The following XRN2 variants were observed in gnomAD, a reference collection of about 807,000 sequenced individuals.
XRN2 encodes 5'-3' exoribonuclease 2.
In XRN2, 44 loss-of-function variants were observed where a neutral mutation model predicts 138.5. The ratio of observed to expected loss-of-function variants is 0.32; its 90% CI spans 0.25 to 0.41. The LOEUF is 0.41. Ranked by LOEUF, XRN2 falls within the 10% of genes least tolerant of loss-of-function variation. The pLI, the probability that XRN2 is intolerant of heterozygous loss-of-function variation, is 1.00. For missense variants in XRN2, 937 were observed against 1,169.3 expected, an observed-to-expected ratio of 0.80 and a Z score of 2.90; for synonymous variants, 354 against 369.4, an observed-to-expected ratio of 0.96 and a Z score of 0.48.
rs1268658338 is a variant in XRN2 at position 21,330,493 on chromosome 20, C to T, written c.440C>T (p.Pro147Leu). 1.2e-6 allele frequency: 2 copies of T among 1,613,426 alleles called. No individual in the cohort carries two copies. Among genetic ancestry groups the T allele is most frequent in the Non-Finnish European group, 1.7e-6 (2 of 1,179,902 alleles). ...EEILAKGGFL[P>L]PEEIKERFDS... ...CTCTTTTCTCTAGGTGGCTTTCTTC[C>T]TCCAGAAGAAATAAAAGAAAGATTT... Residue 147 changes from proline (P) to leucine (L), a missense_variant, in exon 5 of 30, where the codon CCT (proline) becomes CTT (leucine). By Grantham distance (98) the Pro-to-Leu change is moderately conservative. Around this residue, in one of 6 missense-constraint regions of XRN2, gnomAD observed 471 missense variants for 581.2 expected, o/e 0.81. Coordinates refer to ENST00000377191, the MANE Select transcript of XRN2 (RefSeq NM_012255.5).
rs375836250 is a variant in XRN2 at position 21,312,602 on chromosome 20, A to AT, written c.75+9153dup. Among the ~76,000 whole-genome samples the AT allele has an allele frequency of 7.3e-3, 997 of 137,176 alleles. 18 individuals carry two copies. Among genetic ancestry groups the AT allele is most frequent in the African/African-American group, 0.024 (854 of 35,574 alleles). 90.0% of individuals were successfully genotyped at this position (137,176 alleles called of 152,430 possible). The stretch of plus-strand genomic sequence containing the variant: ...CTTCTTGTTAAAACCAAACCCCAAG[A>AT]TTTTTTTTTTTTTTTTTTTTTTTTG... On this transcript the variant is annotated intron_variant, in intron 1 of 29. Coordinates refer to ENST00000377191, the MANE Select transcript of XRN2 (RefSeq NM_012255.5).
chr20:21,327,105 AAC>A (rs2038139004), intron 3 of XRN2, among the ~76,000 whole-genome samples: 1 of 152,254 alleles, frequency 6.6e-6, no homozygotes, highest in Non-Finnish European at 1.5e-5. Context: ...GTGGCAGGTA[AAC>A]ACACTTTCCG....
Position 21,365,673 on chromosome 20 carries a change from C to T in XRN2, c.2425C>T (p.His809Tyr). The T allele has an allele frequency of 1.2e-6, 2 of 1,612,366 alleles. No individual in the cohort carries two copies. Among genetic ancestry groups the T allele is most frequent in the Non-Finnish European group, 1.7e-6 (2 of 1,179,614 alleles). ...LGFNRDRRPV[H>Y]LDQAAFRTLG... The stretch of plus-strand genomic sequence containing the variant: ...CTTTAACCGTGACCGGAGGCCTGTG[C>T]ACCTGGATCAGGCAGCCTTCAGGAC... Residue 809 changes from histidine (H) to tyrosine (Y), a missense_variant, in exon 26 of 30, where the codon CAC (histidine) becomes TAC (tyrosine). His to Tyr is a moderately conservative substitution (Grantham distance 83). Transcript: ENST00000377191.
intron 24 of XRN2, among the ~76,000 whole-genome samples, chr20:21,360,857 C>A (rs767687804): frequency 6.6e-6 from 1 of 152,088 alleles, no homozygotes; most frequent in Non-Finnish European, 1.5e-5. Context: ...AATTGGTTAA[C>A]CTCTTCTGAT....
chr20:21,318,942 A>C (rs140276625), intron 1 of XRN2, among the ~76,000 whole-genome samples: 1 of 151,990 alleles, frequency 6.6e-6, no homozygotes, highest in South Asian at 2.1e-4. Context: ...GTGTTGTTCA[A>C]ATTATCTGTT....
rs551785591 is a variant in XRN2 at position 21,306,738 on chromosome 20, G to A, written c.75+3265G>A. Among the ~76,000 whole-genome samples the A allele has an allele frequency of 1.1e-3, 82 of 75,466 alleles. 34 individuals carry two copies. Among genetic ancestry groups the A allele is most frequent in the Middle Eastern group, 0.019 (2 of 106 alleles). The allele number at this position is 75,466 out of a possible 152,430, so 49.5% of individuals were successfully genotyped here. On this transcript the variant is annotated intron_variant, in intron 1 of 29. Coordinates refer to ENST00000377191, the MANE Select transcript of XRN2 (RefSeq NM_012255.5). ...ATTACTATGTTTATTGGCCGGGTGC[G>A]GTGGCTCACGACTGTAATCCCAGCA... is the stretch of plus-strand genomic sequence containing the variant.
intron 1 of XRN2, among the ~76,000 whole-genome samples, chr20:21,305,541 A>C (rs2122151453): frequency 2.5e-5 from 1 of 40,112 alleles, no homozygotes; most frequent in African/African-American, 6.2e-5. Flanking sequence ...GGCATGAGCC[A>C]CCATACGTGG....
At chr20:21,354,034 C>T (rs538383126) in intron 20 of XRN2, among the ~76,000 whole-genome samples, 9 of 152,160 alleles carry the variant, frequency 5.9e-5, no homozygotes, top group African/African-American at 1.9e-4. Flanking sequence ...ACTACTTATA[C>T]TGTGTAGAGC....
chr20:21,330,458 A>G, intron 4 of XRN2, 23 bp from the exon 5 acceptor site: 2 of 1,611,664 alleles, frequency 1.2e-6, no homozygotes, highest in Admixed American at 3.4e-5. Flanking sequence ...TGGGGAGAAC[A>G]AAACGTTGCC....
chr20:21,376,713 G>T (rs565209825), intron 27 of XRN2, among the ~76,000 whole-genome samples: 173 of 152,246 alleles, frequency 1.1e-3, no homozygotes, highest in African/African-American at 4.0e-3. Flanking sequence ...GAGGAGGAGA[G>T]GGAGAAGGGA....
At chr20:21,342,379 T>G (rs983191357) in intron 15 of XRN2, among the ~76,000 whole-genome samples, 9 of 152,208 alleles carry the variant, frequency 5.9e-5, no homozygotes, top group African/African-American at 2.2e-4. Flanking sequence ...TAAGAAGAAA[T>G]TTGAATTTAA....
chr20:21,353,803 A>AAG (rs1275896262), intron 20 of XRN2, among the ~76,000 whole-genome samples: 1 of 151,712 alleles, frequency 6.6e-6, no homozygotes, highest in Non-Finnish European at 1.5e-5. Context: ...TTAAAAAAAA[A>AAG]AAAAAAACAA....
At chr20:21,365,819 A>G (rs1046924456) in intron 26 of XRN2, 115 bp downstream of exon 26, 12 of 150,510 alleles carry the variant, frequency 8.0e-5, no homozygotes, top group Non-Finnish European at 1.6e-4. Context: ...ATATATGATT[A>G]TATATTATAT....
intron 13 of XRN2, among the ~76,000 whole-genome samples, chr20:21,338,368 G>A (rs986813272): frequency 1.3e-5 from 2 of 152,184 alleles, no homozygotes; most frequent in Non-Finnish European, 2.9e-5. Flanking sequence ...ATTTGGAAAT[G>A]AGTAGGGGGA....
chr20:21,330,400 T>C, intron 4 of XRN2, 81 bp from the exon 5 acceptor site: 7 of 1,453,688 alleles, frequency 4.8e-6, no homozygotes, highest in Non-Finnish European at 6.5e-6. Flanking sequence ...TGGAACTTTT[T>C]GTTTTTGTTG....
In XRN2 at chr20:21,349,604, G is replaced by T. The variant is rs757409996; in HGVS notation, c.1936+143G>T. ...CAAAAAATACAAAAATTAGCCTGGCGTGGTGGCTTGCACCTGTAGTCCCAT... is the reference window on the plus strand; with the variant it reads ...CAAAAAATACAAAAATTAGCCTGGCTTGGTGGCTTGCACCTGTAGTCCCAT... On this transcript the variant is annotated intron_variant, in intron 20 of 29. Coordinates refer to ENST00000377191, the MANE Select transcript of XRN2 (RefSeq NM_012255.5). The T allele has an allele frequency of 4.4e-6, 3 of 687,060 alleles. 1 individual carries two copies. The highest frequency in any genetic ancestry group is 8.8e-4 in the Middle Eastern group (2 of 2,264). 42.6% of individuals were successfully genotyped at this position (687,060 alleles called of 1,614,324 possible).
chr20:21,332,243 A>G (rs756905105), intron 8 of XRN2, 40 bp from the exon 9 acceptor site: 27 of 1,591,796 alleles, frequency 1.7e-5, no homozygotes, highest in Middle Eastern at 1.7e-4. Flanking sequence ...TTCTCTCAGA[A>G]TACTCACTGT....
intron 28 of XRN2, among the ~76,000 whole-genome samples, chr20:21,385,820 A>T (rs2038931573): frequency 6.6e-6 from 1 of 152,160 alleles, no homozygotes; most frequent in Non-Finnish European, 1.5e-5. Flanking sequence ...TCTTATGCTG[A>T]TATGGTTATA....
chr20:21,361,908 A>C (rs1016749126), intron 24 of XRN2, among the ~76,000 whole-genome samples: 1 of 152,224 alleles, frequency 6.6e-6, no homozygotes, highest in Non-Finnish European at 1.5e-5. Context: ...GAATCTTTCA[A>C]CCCTTGGAAG....
Sources: gnomAD v4.1 joint callset for allele counts (sites outside exome capture counted in the v4.1 genomes callset) on GRCh38, gnomAD v4.1.1 for gene constraint, gnomAD v4.1.1 regional missense constraint, MANE v1.5 for transcripts, NCBI Gene and HGNC (gene_info 2026-07-23, HGNC 2026-07-21) for gene names.